MBNL2: variants seen among roughly 807,000 people sequenced by gnomAD.
The protein encoded by MBNL2 is muscleblind like splicing regulator 2.
Under a neutral mutation model 41.9 loss-of-function variants are expected in MBNL2, and 17 were observed. That is an observed-to-expected ratio of 0.41 (90% CI 0.28 to 0.61). MBNL2 has a LOEUF of 0.61. Among genes scored for constraint, MBNL2 ranks in the 20% least tolerant of loss-of-function variants. The pLI, the probability that MBNL2 is intolerant of heterozygous loss-of-function variation, is 0.35. For missense variants in MBNL2, 336 were observed against 505.6 expected (o/e 0.66, Z 3.22); for synonymous variants, 195 against 182.9 (o/e 1.07, Z -0.53).
intron 1 of MBNL2, among the ~76,000 whole-genome samples, chr13:97,246,249 G>A (rs777817813): frequency 4.7e-4 from 70 of 150,452 alleles, no homozygotes; most frequent in Admixed American, 2.1e-3. Flanking sequence ...TTTGAAAGCC[G>A]TTAATAACTG....
chr13:97,151,459 G>A, the MBNL2 span, among the ~76,000 whole-genome samples: 12 of 152,124 alleles, frequency 7.9e-5, no homozygotes, highest in African/African-American at 1.4e-4. Flanking sequence ...TAGTGTGTTC[G>A]GTGGTGCTCT....
chr13:97,281,838 A>G (rs1363732338), intron 2 of MBNL2, among the ~76,000 whole-genome samples: 1 of 152,222 alleles, frequency 6.6e-6, no homozygotes, highest in East Asian at 1.9e-4. Context: ...AGATGTGGAT[A>G]CAGGTTCAAA....
At chr13:97,379,769 C>A (rs977253560) in intron 8 of MBNL2, among the ~76,000 whole-genome samples, 1 of 151,702 alleles carries the variant, frequency 6.6e-6, no homozygotes, top group African/African-American at 2.4e-5. Context: ...TATTCTCTAA[C>A]GGGGGCAGGT....
chr13:97,242,257 G>T (rs1462979583), intron 1 of MBNL2, among the ~76,000 whole-genome samples: 1 of 152,196 alleles, frequency 6.6e-6, no homozygotes, highest in African/African-American at 2.4e-5. Context: ...CTAGGAAAGA[G>T]GAGGGAGCGG....
intron 1 of MBNL2, among the ~76,000 whole-genome samples, chr13:97,241,712 T>C (rs1168875385): frequency 1.3e-5 from 2 of 152,166 alleles, no homozygotes; most frequent in Non-Finnish European, 2.9e-5. Flanking sequence ...AACACAGGCA[T>C]GCACCCCAAA....
chr13:97,199,445 A>G, the MBNL2 span, among the ~76,000 whole-genome samples: 1 of 152,178 alleles, frequency 6.6e-6, no homozygotes, highest in East Asian at 1.9e-4. Context: ...GTGCTCCCTG[A>G]TATGTCTCTG....
At chr13:97,328,869 A>C (rs1003379930) in intron 2 of MBNL2, among the ~76,000 whole-genome samples, 2 of 152,328 alleles carry the variant, frequency 1.3e-5, no homozygotes, top group East Asian at 3.9e-4. Flanking sequence ...GGAGCATACT[A>C]GAAAAAGATT....
chr13:97,308,166 C>T (rs1414968525), intron 2 of MBNL2, among the ~76,000 whole-genome samples: 2 of 152,198 alleles, frequency 1.3e-5, no homozygotes, highest in Admixed American at 1.3e-4. Flanking sequence ...CACATGCCTG[C>T]AGGCCCCAGT....
At chr13:97,255,556 G>A (rs570131406) in intron 1 of MBNL2, among the ~76,000 whole-genome samples, 1 of 152,222 alleles carries the variant, frequency 6.6e-6, no homozygotes, top group African/African-American at 2.4e-5. Context: ...GACTGTGCAG[G>A]AACTAACACT....
chr13:97,277,272 G>A (rs1051022862), intron 2 of MBNL2, among the ~76,000 whole-genome samples: 2 of 152,170 alleles, frequency 1.3e-5, no homozygotes, highest in African/African-American at 2.4e-5. Flanking sequence ...CTAACATTAT[G>A]AATCTGAGAT....
At chr13:97,208,135 T>A in the MBNL2 span, among the ~76,000 whole-genome samples, 6 of 152,220 alleles carry the variant, frequency 3.9e-5, no homozygotes, top group East Asian at 1.9e-4. Flanking sequence ...ATAAACAAAA[T>A]TAAACTTTTG....
intron 2 of MBNL2, among the ~76,000 whole-genome samples, chr13:97,287,918 G>GTTT (rs11423615): frequency 1.9e-4 from 24 of 124,628 alleles, no homozygotes; most frequent in African/African-American, 8.3e-4. Flanking sequence ...CTAATTTTCT[G>GTTT]TTTTTTTTTT....
chr13:97,343,525 C>T (rs1390821838), intron 4 of MBNL2, among the ~76,000 whole-genome samples: 1 of 151,612 alleles, frequency 6.6e-6, no homozygotes, highest in African/African-American at 2.4e-5. Flanking sequence ...ATAGAGATGG[C>T]TCCAGGTCCT....
At chr13:97,151,740 C>T in the MBNL2 span, among the ~76,000 whole-genome samples, 1 of 152,254 alleles carries the variant, frequency 6.6e-6, no homozygotes, top group South Asian at 2.1e-4. Context: ...TTTCATCCCC[C>T]TTCTTTGTTT....
intron 1 of MBNL2, among the ~76,000 whole-genome samples, chr13:97,234,206 C>T (rs1454033379): frequency 6.6e-6 from 1 of 152,192 alleles, no homozygotes; most frequent in Non-Finnish European, 1.5e-5. Flanking sequence ...CTGTAACCTG[C>T]ACTCTTCATC....
chr13:97,369,315 C>T (rs2064148927), intron 8 of MBNL2, among the ~76,000 whole-genome samples: 1 of 152,180 alleles, frequency 6.6e-6, no homozygotes, highest in Non-Finnish European at 1.5e-5. Context: ...TCAGTTTCCT[C>T]ATTTGTGAAA....
the MBNL2 span, among the ~76,000 whole-genome samples, chr13:97,199,258 CCTT>C: frequency 6.6e-6 from 1 of 152,140 alleles, no homozygotes; most frequent in Non-Finnish European, 1.5e-5. Flanking sequence ...TGTTGGAAAA[CCTT>C]CTCCTAACCA....
At chr13:97,213,987 C>A in the MBNL2 span, among the ~76,000 whole-genome samples, 2 of 152,348 alleles carry the variant, frequency 1.3e-5, no homozygotes, top group African/African-American at 4.8e-5. Context: ...AGCAGGCTCA[C>A]ATACTTCCAC....
chr13:97,155,807 T>G, the MBNL2 span, among the ~76,000 whole-genome samples: 3 of 151,646 alleles, frequency 2.0e-5, no homozygotes, highest in Non-Finnish European at 4.4e-5. Context: ...TGTTGGACAT[T>G]TGGGTTGGTT....
Sources: allele counts gnomAD v4.1 joint callset (sites outside exome capture counted in the v4.1 genomes callset), GRCh38; gene constraint gnomAD v4.1.1; transcripts MANE v1.5; gene names NCBI Gene and HGNC (gene_info 2026-07-23, HGNC 2026-07-21).